The following NCOA2 variants were observed in gnomAD, a reference collection of about 807,000 sequenced individuals.
NCOA2 encodes the protein nuclear receptor coactivator 2.
Under a neutral mutation model 145.1 loss-of-function variants are expected in NCOA2, and 21 were observed. The ratio of observed to expected loss-of-function variants is 0.14; its 90% CI spans 0.10 to 0.21. NCOA2 has a LOEUF of 0.21. NCOA2 is among the 10% of genes least tolerant of loss of function. The probability of loss-of-function intolerance (pLI) is 1.00; values close to 1 mark genes in which losing one functional copy is unlikely to be tolerated. For missense variants in NCOA2, 1,472 were observed against 1,837.6 expected, an observed-to-expected ratio of 0.80 and a Z score of 3.64; for synonymous variants, 619 against 637.5, an observed-to-expected ratio of 0.97 and a Z score of 0.44.
chr8:70,214,164 T>C lies in NCOA2; in HGVS notation c.87-89A>G, dbSNP rs142466117. 1.6e-5 allele frequency: 21 copies of C among 1,289,798 alleles called. No homozygotes were observed. The East Asian group carries it at 4.7e-4, about 29-fold the overall frequency. The allele number at this position is 1,289,798 out of a possible 1,614,324, so 79.9% of individuals were successfully genotyped here. A position where few individuals can be genotyped will look rare whatever the true frequency, so the allele number is the denominator to read the frequency against. The stretch of plus-strand genomic sequence containing the variant: ...GTGTTAAACAAGTTTAATACAAAGA[T>C]AGCAAACAAAAGCTACCTATATAAA... On this transcript the variant is annotated intron_variant, in intron 3 of 22. Coordinates refer to ENST00000452400, the MANE Select transcript of NCOA2 (RefSeq NM_006540.4).
intron 22 of NCOA2, among the ~76,000 whole-genome samples, chr8:70,119,837 A>C (rs1221477739): frequency 6.8e-6 from 1 of 147,050 alleles, no homozygotes; most frequent in Non-Finnish European, 1.5e-5. Flanking sequence ...CCACCTGTAC[A>C]TTTTCTTTTG....
chr8:70,145,236 C>T (rs1173725998), intron 12 of NCOA2, among the ~76,000 whole-genome samples: 2 of 152,242 alleles, frequency 1.3e-5, no homozygotes, highest in East Asian at 1.9e-4. Context: ...CGGCTCATTA[C>T]AACCTCTGCC....
At chr8:70,443,975 GCA>G in the NCOA2 span, among the ~76,000 whole-genome samples, 2 of 151,770 alleles carry the variant, frequency 1.3e-5, no homozygotes, top group African/African-American at 2.4e-5. Flanking sequence ...ACGCGTGCTT[GCA>G]CACACACACA....
chr8:70,428,185 G>C, the NCOA2 span, among the ~76,000 whole-genome samples: 2 of 152,072 alleles, frequency 1.3e-5, no homozygotes, highest in African/African-American at 4.8e-5. Flanking sequence ...CAGGCATGGT[G>C]GTTCACACCT....
chr8:70,361,016 A>T (rs1427184918), intron 1 of NCOA2, among the ~76,000 whole-genome samples: 1 of 152,154 alleles, frequency 6.6e-6, no homozygotes. Flanking sequence ...ACACTGCTTA[A>T]TGGCAAAAGC....
chr8:70,425,717 TG>T, the NCOA2 span, among the ~76,000 whole-genome samples: 1 of 152,198 alleles, frequency 6.6e-6, no homozygotes, highest in South Asian at 2.1e-4. Context: ...TTTTAGCACC[TG>T]GGTGGTGTCT....
chr8:70,451,396 A>T, the NCOA2 span, among the ~76,000 whole-genome samples: 3 of 90,550 alleles, frequency 3.3e-5, no homozygotes, highest in African/African-American at 1.7e-4. Flanking sequence ...TGACAGAGTG[A>T]GACCAAAAAA....
At chr8:70,133,542 AAG>A (rs1809398027) in intron 15 of NCOA2, among the ~76,000 whole-genome samples, 1 of 152,180 alleles carries the variant, frequency 6.6e-6, no homozygotes, top group South Asian at 2.1e-4. Flanking sequence ...GCTTTTAAAA[AAG>A]AGCTTCTGAG....
At chr8:70,130,865 C>T (rs1428562670) in intron 16 of NCOA2, among the ~76,000 whole-genome samples, 1 of 152,136 alleles carries the variant, frequency 6.6e-6, no homozygotes, top group African/African-American at 2.4e-5. Flanking sequence ...ACTCTTTACA[C>T]AGTAAGCCAG....
At chr8:70,357,092 G>T (rs183339896) in intron 1 of NCOA2, among the ~76,000 whole-genome samples, 2 of 151,918 alleles carry the variant, frequency 1.3e-5, no homozygotes, top group African/African-American at 4.8e-5. Context: ...AATGAGTTCC[G>T]CCTGCTTCAA....
the NCOA2 span, among the ~76,000 whole-genome samples, chr8:70,444,107 A>G: frequency 6.6e-6 from 1 of 152,264 alleles, no homozygotes; most frequent in African/African-American, 2.4e-5. Context: ...CCCAAAGTGG[A>G]AATAATCCAA....
chr8:70,385,406 T>C (rs35050697), intron 1 of NCOA2, among the ~76,000 whole-genome samples: 15,989 of 152,174 alleles, frequency 0.11, 1,282 homozygotes, highest in East Asian at 0.41. Flanking sequence ...GAAAAACAAA[T>C]ACTCTTGTAT....
intron 2 of NCOA2, among the ~76,000 whole-genome samples, chr8:70,241,874 A>G (rs1190562411): frequency 6.6e-6 from 1 of 152,184 alleles, no homozygotes; most frequent in Non-Finnish European, 1.5e-5. Flanking sequence ...TTGTTTTGCA[A>G]AAGTCATTTT....
chr8:70,131,570 C>A (rs149031244), intron 16 of NCOA2, among the ~76,000 whole-genome samples: 49 of 152,216 alleles, frequency 3.2e-4, no homozygotes, highest in African/African-American at 1.1e-3. Flanking sequence ...AGGGCGGACA[C>A]CAGGTGAAAT....
intron 2 of NCOA2, among the ~76,000 whole-genome samples, chr8:70,254,980 T>G (rs1212477030): frequency 6.6e-6 from 1 of 152,212 alleles, no homozygotes; most frequent in Middle Eastern, 3.2e-3. Flanking sequence ...TCTAACTCAA[T>G]GAAAGAGTAT....
chr8:70,341,458 G>C (rs1808135511), intron 1 of NCOA2, among the ~76,000 whole-genome samples: 1 of 152,186 alleles, frequency 6.6e-6, no homozygotes. Context: ...TACAAGGGCA[G>C]TCAATGAAGT....
chr8:70,438,513 T>C, the NCOA2 span, among the ~76,000 whole-genome samples: 2 of 152,214 alleles, frequency 1.3e-5, no homozygotes, highest in Admixed American at 6.5e-5. Context: ...TGAACTTTTC[T>C]GGCTTGTCTT....
chr8:70,391,998 C>T (rs139582056), intron 1 of NCOA2, among the ~76,000 whole-genome samples: 7 of 152,336 alleles, frequency 4.6e-5, no homozygotes, highest in Middle Eastern at 3.4e-3. Flanking sequence ...ATCCAATATA[C>T]ATACTCACAA....
intron 1 of NCOA2, among the ~76,000 whole-genome samples, chr8:70,305,049 C>CT (rs780225619): frequency 0.037 from 4,734 of 128,352 alleles, 280 homozygotes; most frequent in African/African-American, 0.12. Context: ...TTTATTCATT[C>CT]TTTTTTTTTT....
Sources: allele counts gnomAD v4.1 joint callset (sites outside exome capture counted in the v4.1 genomes callset), GRCh38; gene constraint gnomAD v4.1.1; transcripts MANE v1.5; gene names NCBI Gene and HGNC (gene_info 2026-07-23, HGNC 2026-07-21).